PCDHA1: variants seen among roughly 807,000 people sequenced by gnomAD.
PCDHA1 encodes the protein protocadherin alpha-1.
Under a neutral mutation model 61.3 loss-of-function variants are expected in PCDHA1, and 42 were observed. The ratio of observed to expected loss-of-function variants is 0.69; its 90% CI spans 0.54 to 0.89. The LOEUF (loss-of-function observed/expected upper bound fraction) is 0.89, where lower values mean the gene tolerates loss of function less well. Ranked by LOEUF, PCDHA1 falls within the 40% of genes least tolerant of loss-of-function variation. The pLI is 0.00. For missense variants in PCDHA1, 1,256 were observed against 1,235.3 expected, an observed-to-expected ratio of 1.02 and a Z score of -0.25; for synonymous variants, 610 against 553.8, an observed-to-expected ratio of 1.10 and a Z score of -1.43.
intron 1 of PCDHA1, chr5:140,871,356 G>A (rs368141967): frequency 1.0e-4 from 163 of 1,614,090 alleles, no homozygotes; most frequent in Non-Finnish European, 1.3e-4. Context: ...CATACTCGCA[G>A]CAGAGGCGGC....
rs1419215366 is a variant in PCDHA1, at chr5:141,010,888, T to G, written c.*951T>G. 2 of 153,748 alleles carry G rather than the reference T, an allele frequency of 1.3e-5. No homozygotes were observed. The highest frequency in any genetic ancestry group is 2.9e-5 in the Non-Finnish European group (2 of 68,032). The allele number at this position is 153,748 out of a possible 1,614,324, so 9.5% of individuals were successfully genotyped here. On this transcript the variant is annotated 3_prime_UTR_variant, in exon 4 of 4. Coordinates refer to ENST00000504120, the MANE Select transcript of PCDHA1 (RefSeq NM_018900.4). Reference sequence around the variant, plus strand: ...AGCTATAAATCTTTAAAGAGAAATATGAATACAATTCCCCTAAACTCTCCT... The same window carrying G: ...AGCTATAAATCTTTAAAGAGAAATAGGAATACAATTCCCCTAAACTCTCCT...
chr5:140,828,445 T>G (rs1769755224), intron 1 of PCDHA1: 1 of 1,614,218 alleles, frequency 6.2e-7, no homozygotes, highest in Non-Finnish European at 8.5e-7. Context: ...AGGTTTTCCA[T>G]GTGGACGTGG....
chr5:140,862,807 C>A, intron 1 of PCDHA1: 1 of 572,850 alleles, frequency 1.7e-6, no homozygotes. Flanking sequence ...GGAGCTGCTG[C>A]AGTTCTAGGT....
chr5:141,008,072 T>G (rs1419103459), intron 3 of PCDHA1, among the ~76,000 whole-genome samples: 3 of 152,154 alleles, frequency 2.0e-5, no homozygotes, highest in African/African-American at 7.2e-5. Context: ...TAAGAACTTA[T>G]TGGGGTTATT....
chr5:140,826,533 T>C (rs1313512596), intron 1 of PCDHA1, among the ~76,000 whole-genome samples: 3 of 152,198 alleles, frequency 2.0e-5, no homozygotes, highest in African/African-American at 7.2e-5. Context: ...AAAAGTCTTA[T>C]TGGTGACTCT....
chr5:140,854,118 C>T lies in PCDHA1; in HGVS notation c.2394+65434C>T, dbSNP rs541457983. The T allele has an allele frequency of 1.9e-3, 584 of 313,350 alleles. 14 individuals carry two copies. The highest frequency in any genetic ancestry group is 2.3e-3 in the Non-Finnish European group (544 of 232,056). 19.4% of individuals were successfully genotyped at this position (313,350 alleles called of 1,614,324 possible). A position where few individuals can be genotyped will look rare whatever the true frequency, so the allele number is the denominator to read the frequency against. ...TTGAGGCTGCAGTGAACTGTGATGG[C>T]ACAACTGCATTTCAGCCCGGGTGAC... On this transcript the variant is annotated intron_variant, in intron 1 of 3. Transcript: ENST00000504120.
At chr5:140,935,520 G>A (rs1404556030) in intron 1 of PCDHA1, among the ~76,000 whole-genome samples, 1 of 152,154 alleles carries the variant, frequency 6.6e-6, no homozygotes, top group Non-Finnish European at 1.5e-5. Context: ...CAGTAGGCAT[G>A]TACAGTCAAA....
intron 3 of PCDHA1, among the ~76,000 whole-genome samples, chr5:141,002,755 T>A (rs894161079): frequency 1.3e-5 from 2 of 152,174 alleles, no homozygotes; most frequent in Non-Finnish European, 2.9e-5. Context: ...GACAACCCTG[T>A]GATGTAGACA....
chr5:140,848,354 C>G (rs1427419086), intron 1 of PCDHA1: 1 of 1,023,830 alleles, frequency 9.8e-7, no homozygotes, highest in African/African-American at 1.6e-5. Flanking sequence ...AGCCCTTTTC[C>G]CATGGGAAAG....
chr5:140,829,215 A>G (rs2150163989), intron 1 of PCDHA1: 5 of 1,614,224 alleles, frequency 3.1e-6, no homozygotes, highest in Middle Eastern at 1.6e-4. Context: ...ATTAGCGTGA[A>G]CGACCTCGAT....
At position 140,863,376 on chromosome 5, in the gene PCDHA1, C is replaced by A. The variant is rs781824830; in HGVS notation, c.2394+74692C>A. The A allele has an allele frequency of 5.3e-6, 6 of 1,123,238 alleles. No individual in the cohort carries two copies. The Admixed American group carries it at 5.5e-5, about 10-fold the overall frequency. 69.6% of individuals were successfully genotyped at this position (1,123,238 alleles called of 1,614,324 possible). On this transcript the variant is annotated intron_variant, in intron 1 of 3. Transcript: ENST00000504120. ...CGCTGCGGTGCTTGGCGCAGCTCAC[C>A]GAGAGCTCGTGCATGCCGGGCAAGC... is the stretch of plus-strand genomic sequence containing the variant.
chr5:140,850,140 G>C (rs2150469344), intron 1 of PCDHA1: 2 of 1,595,708 alleles, frequency 1.3e-6, no homozygotes, highest in East Asian at 2.2e-5. Flanking sequence ...GGGCAGCAAC[G>C]TGACGCTGCA....
In PCDHA1 at chr5:140,823,028, C is replaced by T. The variant is rs2150121496; in HGVS notation, c.2394+34344C>T. On this transcript the variant is annotated intron_variant, in intron 1 of 3. Coordinates refer to ENST00000504120, the MANE Select transcript of PCDHA1 (RefSeq NM_018900.4). ...AGCGCCCTGGACCGCGAGAGCGTGT[C>T]GGTCTATGAGCTGGTGGTGACCGCG... 16 of 1,614,206 alleles carry T rather than the reference C, an allele frequency of 9.9e-6. No individual in the cohort carries two copies. Among genetic ancestry groups the T allele is most frequent in the South Asian group, 9.9e-5 (9 of 91,088 alleles).
At chr5:140,928,427 C>T in intron 1 of PCDHA1, 1 of 1,614,132 alleles carries the variant, frequency 6.2e-7, no homozygotes. Flanking sequence ...GCCAAAACTT[C>T]CTTTGACTTT....
intron 1 of PCDHA1, chr5:140,796,247 G>C (rs148429256): frequency 4.3e-6 from 7 of 1,614,156 alleles, no homozygotes; most frequent in South Asian, 2.2e-5. Flanking sequence ...GTGACCGCAC[G>C]GGACGGGGGC....
chr5:140,834,408 C>T, intron 1 of PCDHA1: 1 of 1,610,114 alleles, frequency 6.2e-7, no homozygotes, highest in Non-Finnish European at 8.5e-7. Flanking sequence ...TGGATACGAC[C>T]CAGGGGGCCG....
chr5:140,835,484 C>T (rs2150236532), intron 1 of PCDHA1: 3 of 1,613,926 alleles, frequency 1.9e-6, no homozygotes, highest in Non-Finnish European at 8.5e-7. Flanking sequence ...AACCAGGTAC[C>T]GTCATCACAT....
intron 1 of PCDHA1, chr5:140,876,266 A>T: frequency 6.2e-7 from 1 of 1,614,012 alleles, no homozygotes; most frequent in South Asian, 1.1e-5. Context: ...ATCCAACTAA[A>T]TGCTTCCGAT....
At chr5:140,829,919 G>A (rs2150177780) in intron 1 of PCDHA1, 3 of 1,613,902 alleles carry the variant, frequency 1.9e-6, no homozygotes, top group Non-Finnish European at 1.7e-6. Flanking sequence ...GCTTTCGTAT[G>A]AGCTGCAGCC....
Sources: gnomAD v4.1 joint callset for allele counts (sites outside exome capture counted in the v4.1 genomes callset) on GRCh38, gnomAD v4.1.1 for gene constraint, MANE v1.5 for transcripts, NCBI Gene and HGNC (gene_info 2026-07-23, HGNC 2026-07-21) for gene names.